Variants in CIT observed in about 807,000 individuals in gnomAD.
The protein encoded by CIT is citron rho-interacting serine/threonine kinase, also known as citron Rho-interacting kinase.
In CIT, 79 loss-of-function variants were observed where a neutral mutation model predicts 272.7. The observed-to-expected ratio is 0.29, with a 90% confidence interval of 0.24 to 0.35. The LOEUF (loss-of-function observed/expected upper bound fraction) is 0.35. Among genes scored for constraint, CIT ranks in the 10% least tolerant of loss-of-function variants. CIT has a pLI of 1.00. For synonymous variants in CIT, 948 were observed against 995.6 expected, an observed-to-expected ratio of 0.95 and a Z score of 0.90; for missense variants, 1,909 against 2,618.3, an observed-to-expected ratio of 0.73 and a Z score of 5.91.
At chr12:119,753,693 C>T (rs981718499) in intron 22 of CIT, among the ~76,000 whole-genome samples, 1 of 150,864 alleles carries the variant, frequency 6.6e-6, no homozygotes. Context: ...GCCAAGATTG[C>T]GCCATTGTAC....
intron 2 of CIT, among the ~76,000 whole-genome samples, chr12:119,874,927 A>C (rs886120599): frequency 2.6e-5 from 4 of 152,018 alleles, no homozygotes; most frequent in Non-Finnish European, 5.9e-5. Flanking sequence ...ACATCCCTGC[A>C]ATGAAAATGA....
At chr12:119,829,337 GAAAGA>G (rs1250481686) in intron 7 of CIT, among the ~76,000 whole-genome samples, 5 of 88,460 alleles carry the variant, frequency 5.7e-5, no homozygotes, top group African/African-American at 2.3e-4. Context: ...ACTCTGTCTT[GAAAGA>G]AAAGAAGAGA....
chr12:119,731,852 T>TC (rs1461563174), intron 26 of CIT, among the ~76,000 whole-genome samples: 9 of 142,788 alleles, frequency 6.3e-5, no homozygotes, highest in Non-Finnish European at 1.2e-4. Context: ...TTTTTTTTTT[T>TC]TGAGATGGAG....
At chr12:119,819,139 A>C (rs1033933687) in intron 9 of CIT, among the ~76,000 whole-genome samples, 3 of 152,232 alleles carry the variant, frequency 2.0e-5, no homozygotes, top group African/African-American at 7.2e-5. Context: ...AAACTTGGAA[A>C]GCAGCCTTGA....
In CIT at chr12:119,710,760, C is replaced by G. The variant is rs1168126497; in HGVS notation, c.4855-140G>C. The G allele has an allele frequency of 1.2e-6, 1 of 812,466 alleles. No individual in the cohort carries two copies. The highest frequency in any genetic ancestry group is 2.0e-6 in the Non-Finnish European group (1 of 501,904). 50.3% of individuals were successfully genotyped at this position (812,466 alleles called of 1,614,324 possible). A position where few individuals can be genotyped will look rare whatever the true frequency, so the allele number is the denominator to read the frequency against. ...CTCAGAAACGCACATATGCTCTTAGCTCAGCCCGTATTTTGATCTGAGCTC... is the reference window on the plus strand; with the variant it reads ...CTCAGAAACGCACATATGCTCTTAGGTCAGCCCGTATTTTGATCTGAGCTC... On this transcript the variant is annotated intron_variant, in intron 37 of 47. Transcript: ENST00000392521. This position sits in a 1 kb window ranked among gnomAD's most constrained non-coding sequence, Gnocchi z 5.6.
Position 119,710,923 on chromosome 12 carries a change from G to T in CIT, c.4855-303C>A. 1 of 749,630 alleles carries T rather than the reference G, an allele frequency of 1.3e-6. No individual in the cohort carries two copies. Among genetic ancestry groups the T allele is most frequent in the African/African-American group, 1.8e-5 (1 of 56,072 alleles). The allele number at this position is 749,630 out of a possible 1,614,324, so 46.4% of individuals were successfully genotyped here. A position where few individuals can be genotyped will look rare whatever the true frequency, so the allele number is the denominator to read the frequency against. On this transcript the variant is annotated intron_variant, in intron 37 of 47. Coordinates refer to ENST00000392521, the MANE Select transcript of CIT (RefSeq NM_001206999.2). This position sits in a 1 kb window ranked among gnomAD's most constrained non-coding sequence, Gnocchi z 5.6. ...ATTCTGTAATAAGAAATAAGCTGAA[G>T]CTAAGGAGATTTCACCTGCGCAGGG...
At chr12:119,726,247 C>CT (rs1958096128) in intron 28 of CIT, among the ~76,000 whole-genome samples, 1 of 151,942 alleles carries the variant, frequency 6.6e-6, no homozygotes, top group Admixed American at 6.6e-5. Flanking sequence ...GAGACAGGCT[C>CT]TCACTCTGTC....
rs527816647 is a variant in CIT at position 119,686,961 on chromosome 12, G to A, written c.*1271C>T. 1 of 152,826 alleles carries A rather than the reference G, an allele frequency of 6.5e-6. No homozygotes were observed. The highest frequency in any genetic ancestry group is 6.5e-5 in the Admixed American group (1 of 15,292). The allele number at this position is 152,826 out of a possible 1,614,324, so 9.5% of individuals were successfully genotyped here. ...ATTTGGAAAGTCACAGTTTCGTGGG[G>A]TAGAACCGCGCTGGATTGGGTGTGA... is the stretch of plus-strand genomic sequence containing the variant. On this transcript the variant is annotated 3_prime_UTR_variant, in exon 48 of 48. Transcript: ENST00000392521.
intron 23 of CIT, among the ~76,000 whole-genome samples, chr12:119,743,972 A>C (rs2137332608): frequency 6.6e-6 from 1 of 152,368 alleles, no homozygotes; most frequent in South Asian, 2.1e-4. Flanking sequence ...AATTAATTGA[A>C]AACCAATGGA....
chr12:119,747,938 C>T (rs527347018), intron 23 of CIT, among the ~76,000 whole-genome samples: 127 of 152,066 alleles, frequency 8.4e-4, no homozygotes, highest in African/African-American at 2.8e-3. Flanking sequence ...CCAAGGCAGG[C>T]GAATTGCTTG....
chr12:119,863,879 G>A (rs1950440793), intron 3 of CIT, among the ~76,000 whole-genome samples: 1 of 151,414 alleles, frequency 6.6e-6, no homozygotes, highest in South Asian at 2.1e-4. Flanking sequence ...AAGGACTCAT[G>A]TTTGCCCCTT....
chr12:119,782,724 G>A lies in CIT; in HGVS notation c.1546-87C>T, dbSNP rs1012338601. The A allele has an allele frequency of 8.1e-5, 124 of 1,526,990 alleles. 2 individuals carry two copies. The Admixed American group carries it at 1.9e-3, about 23-fold the overall frequency. 94.6% of individuals were successfully genotyped at this position (1,526,990 alleles called of 1,614,324 possible). ...CATTAAGAGAGCTGCAAGCTGCTTC[G>A]CAGACACCAGGACAGTTTCGAGTGA... On this transcript the variant is annotated intron_variant, in intron 12 of 47. Coordinates refer to ENST00000392521, the MANE Select transcript of CIT (RefSeq NM_001206999.2).
At chr12:119,873,580 A>G (rs1950749451) in intron 2 of CIT, among the ~76,000 whole-genome samples, 1 of 152,106 alleles carries the variant, frequency 6.6e-6, no homozygotes. Context: ...ACGCCCAGCA[A>G]GTTGGAGATA....
Position 119,690,172 on chromosome 12 carries a change from G to A in CIT, c.6165C>T (p.Thr2055=). 2 of 1,482,778 alleles carry A rather than the reference G, an allele frequency of 1.3e-6. No homozygotes were observed. The highest frequency in any genetic ancestry group is 1.8e-6 in the Non-Finnish European group (2 of 1,125,096). The allele number at this position is 1,482,778 out of a possible 1,614,324, so 91.9% of individuals were successfully genotyped here. ...TCACCTTGTTCACCTGGGACAGCGG[G>A]GTCCTCACGGCTCCCGCAGGCAGCC... ...RGRLPAGAVR[T]PLSQVNKVWD... is the part of the protein sequence containing the mutation. Residue 2055 remains threonine, a synonymous_variant, in exon 47 of 48, where the codon ACC becomes ACT. Transcript: ENST00000392521. This position sits in a 1 kb window ranked among gnomAD's most constrained non-coding sequence, Gnocchi z 6.0.
In CIT at chr12:119,762,145, G is replaced by A. The variant is rs536373185; in HGVS notation, c.2305-1090C>T. The stretch of plus-strand genomic sequence containing the variant: ...AAGGACTGTCACAGCTCATGGGGAC[G>A]ACGTCCCTAAAAAGAGCCAGTCAGC... On this transcript the variant is annotated intron_variant, in intron 19 of 47. Transcript: ENST00000392521. Among the ~76,000 whole-genome samples, 6 of 152,232 alleles carry A rather than the reference G, an allele frequency of 3.9e-5. No individual in the cohort carries two copies. The South Asian group carries it at 8.3e-4, about 21-fold the overall frequency.
intron 15 of CIT, 142 bp from the exon 16 acceptor site, chr12:119,775,981 C>G (rs1464247539): frequency 1.9e-5 from 12 of 644,162 alleles, no homozygotes; most frequent in Non-Finnish European, 3.2e-5. Flanking sequence ...AGAGGAAGAA[C>G]AGTGGCCTCT....
At chr12:119,696,357 G>A (rs1233489854) in intron 46 of CIT, among the ~76,000 whole-genome samples, 2 of 152,224 alleles carry the variant, frequency 1.3e-5, no homozygotes. Context: ...ATACCCATGT[G>A]CTCCTGACTC....
At chr12:119,781,641 C>T (rs1201396920) in intron 13 of CIT, among the ~76,000 whole-genome samples, 3 of 150,670 alleles carry the variant, frequency 2.0e-5, no homozygotes, top group Non-Finnish European at 2.9e-5. Flanking sequence ...CAAAAATGAG[C>T]CATTTAGAAA....
chr12:119,765,563 C>T (rs1962349829), intron 19 of CIT, among the ~76,000 whole-genome samples: 1 of 150,138 alleles, frequency 6.7e-6, no homozygotes, highest in African/African-American at 2.5e-5. Flanking sequence ...CTCCGCCTCC[C>T]AGGTTCAAGC....
Sources: gnomAD v4.1 joint callset for allele counts (sites outside exome capture counted in the v4.1 genomes callset) on GRCh38, gnomAD v4.1.1 for gene constraint, Gnocchi (gnomAD v3.1) non-coding constraint, MANE v1.5 for transcripts, NCBI Gene and HGNC (gene_info 2026-07-23, HGNC 2026-07-21) for gene names.